OPCML: variants seen among roughly 807,000 people sequenced by gnomAD.
OPCML encodes the protein opioid binding protein/cell adhesion molecule like.
A neutral mutation model predicts 37.8 loss-of-function variants in OPCML; 13 were observed. The observed-to-expected ratio is 0.34, with a 90% CI of 0.22 to 0.55. The LOEUF is 0.55. OPCML is among the 20% of genes least tolerant of loss of function. OPCML has a pLI of 0.91. For synonymous variants in OPCML, 176 were observed against 168.8 expected, an observed-to-expected ratio of 1.04 and a Z score of -0.33; for missense variants, 341 against 435.6, an observed-to-expected ratio of 0.78 and a Z score of 1.93.
intron 1 of OPCML, among the ~76,000 whole-genome samples, chr11:133,398,140 T>C (rs1945326502): frequency 6.6e-6 from 1 of 152,200 alleles, no homozygotes. Context: ...GGATCGAACC[T>C]TGCAAACATA....
intron 4 of OPCML, 112 bp from the exon 5 acceptor site, chr11:132,437,471 GAGT>G: frequency 1.3e-6 from 2 of 1,511,790 alleles, no homozygotes; most frequent in Non-Finnish European, 1.8e-6. Flanking sequence ...CATCAGAATG[GAGT>G]AGGACATCAA....
chr11:132,433,810 G>T (rs997338289), intron 7 of OPCML, among the ~76,000 whole-genome samples: 3 of 152,218 alleles, frequency 2.0e-5, no homozygotes, highest in Non-Finnish European at 4.4e-5. Context: ...CATAGCAGCT[G>T]TCTGCAAGCC....
intron 3 of OPCML, among the ~76,000 whole-genome samples, chr11:132,572,686 T>C (rs2096441443): frequency 6.6e-6 from 1 of 152,160 alleles, no homozygotes; most frequent in Non-Finnish European, 1.5e-5. Context: ...AGAAGTGTGA[T>C]ACCTCCAGCT....
intron 2 of OPCML, among the ~76,000 whole-genome samples, chr11:132,756,934 C>CCCCA (rs1383087835): frequency 4.6e-5 from 7 of 152,102 alleles, no homozygotes; most frequent in African/African-American, 2.4e-5. Context: ...TACCCTTGCT[C>CCCCA]CCCACCCCCT....
intron 1 of OPCML, chr11:133,421,202 G>C: frequency 1.0e-6 from 1 of 985,426 alleles, no homozygotes; most frequent in Non-Finnish European, 1.2e-6. Context: ...GCAAGGGAAA[G>C]AGCAATGCGT....
At chr11:133,511,385 G>T (rs1246062102) in intron 1 of OPCML, among the ~76,000 whole-genome samples, 2 of 152,142 alleles carry the variant, frequency 1.3e-5, no homozygotes, top group Non-Finnish European at 2.9e-5. Flanking sequence ...GGACCGCGTG[G>T]CTAACTGGGT....
At chr11:132,842,222 G>T (rs532852228) in intron 2 of OPCML, among the ~76,000 whole-genome samples, 2 of 152,156 alleles carry the variant, frequency 1.3e-5, no homozygotes, top group Admixed American at 1.3e-4. Context: ...GCCACCTAGA[G>T]CTCCCATAGG....
chr11:133,241,102 T>C (rs1464942743), intron 1 of OPCML, among the ~76,000 whole-genome samples: 2 of 152,226 alleles, frequency 1.3e-5, no homozygotes, highest in Non-Finnish European at 2.9e-5. Flanking sequence ...CTTAGGTGCA[T>C]GTCTGACGTC....
intron 3 of OPCML, among the ~76,000 whole-genome samples, chr11:132,588,428 C>T (rs1425565696): frequency 6.6e-6 from 1 of 152,126 alleles, no homozygotes; most frequent in African/African-American, 2.4e-5. Flanking sequence ...TAAAAATGAT[C>T]AATCATAGCC....
chr11:132,789,150 T>C (rs1196330880), intron 2 of OPCML, among the ~76,000 whole-genome samples: 2 of 152,178 alleles, frequency 1.3e-5, no homozygotes, highest in African/African-American at 4.8e-5. Flanking sequence ...CAAATCTAAA[T>C]TAGGCTTTCC....
rs560252996 is a variant in OPCML, at chr11:132,970,394, C to CA, written c.62-27385dup. On this transcript the variant is annotated intron_variant, in intron 1 of 7. Transcript: ENST00000524381. Reference sequence around the variant, plus strand: ...AATGCAAAGGAGAGAAATATTAGGACAAAAAAACCCCAGCTTTTCCTTAAT... The same window carrying CA: ...AATGCAAAGGAGAGAAATATTAGGACAAAAAAAACCCCAGCTTTTCCTTAAT... Among the ~76,000 whole-genome samples, 6 of 151,970 alleles carry CA rather than the reference C, an allele frequency of 3.9e-5. No individual in the cohort carries two copies. In the East Asian group the frequency reaches 7.7e-4, roughly 20 times the overall value.
At chr11:132,903,173 ATTT>A (rs34291369) in intron 2 of OPCML, among the ~76,000 whole-genome samples, 2,338 of 152,122 alleles carry the variant, frequency 0.015, 51 homozygotes, top group African/African-American at 0.053. Context: ...TTGTTATGGC[ATTT>A]TTTTCCTATT....
chr11:132,474,715 C>G (rs532016952), intron 4 of OPCML, among the ~76,000 whole-genome samples: 2 of 152,230 alleles, frequency 1.3e-5, no homozygotes, highest in South Asian at 4.1e-4. Flanking sequence ...GTCTCAGTTC[C>G]CTGTTTATGC....
At chr11:133,359,144 C>T (rs4600215) in intron 1 of OPCML, among the ~76,000 whole-genome samples, 17,840 of 152,206 alleles carry the variant, frequency 0.12, 1,192 homozygotes, top group East Asian at 0.19. Flanking sequence ...GTGTTTGATT[C>T]GCTTGCTATT....
chr11:133,470,458 C>T (rs1947079661), intron 1 of OPCML, among the ~76,000 whole-genome samples: 2 of 152,204 alleles, frequency 1.3e-5, no homozygotes, highest in South Asian at 4.1e-4. Flanking sequence ...GCTCCCCCAT[C>T]CCTGTGACAG....
At chr11:133,045,408 A>C (rs1002325433) in intron 1 of OPCML, among the ~76,000 whole-genome samples, 2 of 152,230 alleles carry the variant, frequency 1.3e-5, no homozygotes, top group African/African-American at 4.8e-5. Context: ...CCGGAGGGAC[A>C]GTCACAGATG....
chr11:133,076,122 C>T (rs1948617285), intron 1 of OPCML, among the ~76,000 whole-genome samples: 1 of 151,886 alleles, frequency 6.6e-6, no homozygotes. Flanking sequence ...AATCTGTACA[C>T]TTTTTTGTTT....
At chr11:132,748,808 G>C (rs1381785238) in intron 2 of OPCML, among the ~76,000 whole-genome samples, 1 of 152,188 alleles carries the variant, frequency 6.6e-6, no homozygotes, top group Non-Finnish European at 1.5e-5. Context: ...GTGAGTGAAA[G>C]ACCAGATGGG....
intron 1 of OPCML, among the ~76,000 whole-genome samples, chr11:132,969,339 T>C (rs1946288293): frequency 6.6e-6 from 1 of 152,256 alleles, no homozygotes; most frequent in South Asian, 2.1e-4. Flanking sequence ...AGTTTTCTCT[T>C]GCTGCTTCCA....
Sources: allele counts gnomAD v4.1 joint callset (sites outside exome capture counted in the v4.1 genomes callset), GRCh38; gene constraint gnomAD v4.1.1; transcripts MANE v1.5; gene names NCBI Gene and HGNC (gene_info 2026-07-23, HGNC 2026-07-21).